CDH17: variants seen among roughly 807,000 people sequenced by gnomAD.
The protein encoded by CDH17 is cadherin-17.
CDH17 carries 67 observed loss-of-function variants against 86.3 expected under a neutral mutation model. The observed-to-expected ratio is 0.78, with a 90% CI of 0.64 to 0.95. The LOEUF (loss-of-function observed/expected upper bound fraction) is 0.95, where lower values mean the gene tolerates loss of function less well. Among genes scored for constraint, CDH17 ranks in the 40% least tolerant of loss-of-function variants. CDH17 has a pLI of 0.00. For synonymous variants in CDH17, 367 were observed against 366.4 expected, an observed-to-expected ratio of 1.00 and a Z score of -0.02; for missense variants, 993 against 1,017.6, an observed-to-expected ratio of 0.98 and a Z score of 0.33.
At chr8:94,138,424 A>C (rs1244266680) in intron 15 of CDH17, among the ~76,000 whole-genome samples, 1 of 152,238 alleles carries the variant, frequency 6.6e-6, no homozygotes, top group Non-Finnish European at 1.5e-5. Flanking sequence ...CACCCAAAGC[A>C]AATATCCAGG....
Position 94,174,280 on chromosome 8 carries a change from C to CAT in CDH17, c.425-21_425-20insAT. 1 of 1,452,750 alleles carries CAT rather than the reference C, an allele frequency of 6.9e-7. No homozygotes were observed. The allele number at this position is 1,452,750 out of a possible 1,614,324, so 90.0% of individuals were successfully genotyped here. A position where few individuals can be genotyped will look rare whatever the true frequency, so the allele number is the denominator to read the frequency against. On this transcript the variant is annotated intron_variant, in intron 5 of 17. Coordinates refer to ENST00000027335, the MANE Select transcript of CDH17 (RefSeq NM_004063.4). ...GCTTTCCTGTTTAACAAGACGTACC[C>CAT]AGAAAAAAAAAAAAAAAGATATTAA...
At chr8:94,164,960 G>C (rs1302322355) in intron 10 of CDH17, among the ~76,000 whole-genome samples, 1 of 152,194 alleles carries the variant, frequency 6.6e-6, no homozygotes, top group East Asian at 1.9e-4. Context: ...GGAGTATGGG[G>C]AAGAATGTCT....
intron 14 of CDH17, 78 bp downstream of exon 14, chr8:94,148,666 C>G: frequency 1.5e-4 from 174 of 1,145,772 alleles, no homozygotes; most frequent in Middle Eastern, 2.3e-4. Context: ...GTTTTCTTAT[C>G]CTCCCTCCCA....
At chr8:94,144,041 C>T (rs1247287162) in intron 15 of CDH17, among the ~76,000 whole-genome samples, 3 of 152,186 alleles carry the variant, frequency 2.0e-5, no homozygotes, top group South Asian at 4.1e-4. Context: ...ACATAACATC[C>T]TCACTAAGCT....
intron 1 of CDH17, among the ~76,000 whole-genome samples, chr8:94,196,065 A>C (rs1813781484): frequency 6.6e-6 from 1 of 152,140 alleles, no homozygotes; most frequent in East Asian, 1.9e-4. Flanking sequence ...TGGCTGAGTC[A>C]AGAAAATTTT....
chr8:94,207,620 T>C (rs1814055153), intron 1 of CDH17, among the ~76,000 whole-genome samples: 1 of 152,194 alleles, frequency 6.6e-6, no homozygotes, highest in South Asian at 2.1e-4. Flanking sequence ...TTCTTTCAAA[T>C]AATGCCTCAT....
intron 9 of CDH17, among the ~76,000 whole-genome samples, chr8:94,167,230 G>A (rs1289508692): frequency 1.3e-5 from 2 of 152,126 alleles, no homozygotes; most frequent in African/African-American, 4.8e-5. Context: ...CAAACCAGTG[G>A]CTATGACTCG....
rs754693943 is a variant in CDH17, at chr8:94,174,093, T to A, written c.583+9A>T. 1 of 1,613,036 alleles carries A rather than the reference T, an allele frequency of 6.2e-7. No individual in the cohort carries two copies. Among genetic ancestry groups the A allele is most frequent in the Non-Finnish European group, 8.5e-7 (1 of 1,179,186 alleles). ...CGAGACAGTCCTACCAGGGCACCCC[T>A]GAACTTACCCTCTCGGGTAAGAGAG... is the stretch of plus-strand genomic sequence containing the variant. On this transcript the variant is annotated intron_variant, in intron 6 of 17. Transcript: ENST00000027335.
chr8:94,216,014 A>C (rs1305704775), intron 1 of CDH17, among the ~76,000 whole-genome samples: 1 of 152,152 alleles, frequency 6.6e-6, no homozygotes, highest in East Asian at 1.9e-4. Flanking sequence ...ATGGCCCCTC[A>C]GCCCCTCTGA....
rs1035264102 is a variant in CDH17 at position 94,132,609 on chromosome 8, T to C, written c.2168-1617A>G. Reference sequence around the variant, plus strand: ...AGATTGCAGAAATGTTCTTCCATTCTGTATGTTGCCTGTTCACTCTGATGG... The same window carrying C: ...AGATTGCAGAAATGTTCTTCCATTCCGTATGTTGCCTGTTCACTCTGATGG... On this transcript the variant is annotated intron_variant, in intron 15 of 17. Transcript: ENST00000027335. 2.0e-5 allele frequency among the ~76,000 whole-genome samples: 3 copies of C among 152,244 alleles called. No homozygotes were observed. In the South Asian group the frequency reaches 6.2e-4, roughly 32 times the overall value.
chr8:94,183,328 A>T (rs1052063008), intron 3 of CDH17, among the ~76,000 whole-genome samples: 2 of 152,138 alleles, frequency 1.3e-5, no homozygotes, highest in Non-Finnish European at 2.9e-5. Flanking sequence ...ACGTTCTCTA[A>T]TTTCAAAATT....
intron 15 of CDH17, among the ~76,000 whole-genome samples, chr8:94,139,624 C>T (rs1434758066): frequency 6.6e-6 from 1 of 152,156 alleles, no homozygotes; most frequent in Non-Finnish European, 1.5e-5. Context: ...GTGGGCAGGG[C>T]ACCCCCGGTG....
chr8:94,196,811 G>A (rs1813793722), intron 1 of CDH17, among the ~76,000 whole-genome samples: 1 of 152,082 alleles, frequency 6.6e-6, no homozygotes, highest in African/African-American at 2.4e-5. Context: ...CTGGGGGCCG[G>A]GCATGTTCAA....
chr8:94,162,994 A>T (rs1455675291), intron 10 of CDH17, among the ~76,000 whole-genome samples: 3 of 152,242 alleles, frequency 2.0e-5, no homozygotes, highest in Non-Finnish European at 4.4e-5. Context: ...TGGCTCTGCC[A>T]CTTAGCATGT....
intron 1 of CDH17, among the ~76,000 whole-genome samples, chr8:94,201,237 C>G (rs1813906066): frequency 6.6e-6 from 1 of 152,138 alleles, no homozygotes; most frequent in Non-Finnish European, 1.5e-5. Flanking sequence ...ACTATTTCTC[C>G]TCATTTCTGT....
At chr8:94,137,546 A>G (rs542467391) in intron 15 of CDH17, among the ~76,000 whole-genome samples, 1 of 152,228 alleles carries the variant, frequency 6.6e-6, no homozygotes, top group East Asian at 1.9e-4. Flanking sequence ...ACAGTCTGTC[A>G]TGGCTTCCCT....
At chr8:94,167,120 A>T (rs6987452) in intron 9 of CDH17, among the ~76,000 whole-genome samples, 18,297 of 152,184 alleles carry the variant, frequency 0.12, 3,460 homozygotes, top group African/African-American at 0.4. Context: ...TACTCCAAAG[A>T]TAACACAGGG....
intron 1 of CDH17, among the ~76,000 whole-genome samples, chr8:94,206,981 C>T (rs943930639): frequency 1.3e-5 from 2 of 151,950 alleles, no homozygotes; most frequent in African/African-American, 4.8e-5. Flanking sequence ...GAGGAGGTAC[C>T]GGAAATGTAA....
intron 3 of CDH17, 46 bp downstream of exon 3, chr8:94,189,141 G>A: frequency 7.7e-7 from 1 of 1,306,248 alleles, no homozygotes; most frequent in South Asian, 1.2e-5. Flanking sequence ...AGTCCACCAA[G>A]AGAGCATACA....
Sources: gnomAD v4.1 joint callset for allele counts (sites outside exome capture counted in the v4.1 genomes callset) on GRCh38, gnomAD v4.1.1 for gene constraint, MANE v1.5 for transcripts, NCBI Gene and HGNC (gene_info 2026-07-23, HGNC 2026-07-21) for gene names.